Variants in SLMAP observed in about 807,000 individuals in gnomAD.
SLMAP encodes the protein sarcolemma associated protein.
Under a neutral mutation model 128.8 loss-of-function variants are expected in SLMAP, and 44 were observed. The observed-to-expected ratio is 0.34, with a 90% CI of 0.27 to 0.44. SLMAP has a LOEUF of 0.44. Among genes scored for constraint, SLMAP ranks in the 20% least tolerant of loss-of-function variants. SLMAP has a pLI of 1.00. For missense variants in SLMAP, 787 were observed against 985.3 expected, an observed-to-expected ratio of 0.80 and a Z score of 2.69; for synonymous variants, 327 against 348.8, an observed-to-expected ratio of 0.94 and a Z score of 0.70.
chr3:57,853,958 TATATATATA>T (rs2094611250), intron 6 of SLMAP, among the ~76,000 whole-genome samples: 151 of 51,842 alleles, frequency 2.9e-3, no homozygotes, highest in East Asian at 0.022. Flanking sequence ...AAAAAAATTA[TATATATATA>T]TATATATATA....
chr3:57,860,690 T>C lies in SLMAP; in HGVS notation c.688-9T>C, dbSNP rs746231452. 6.6e-7 allele frequency: 1 copy of C among 1,526,598 alleles called. No homozygotes were observed. Among genetic ancestry groups the C allele is most frequent in the East Asian group, 2.3e-5 (1 of 42,720 alleles). The allele number at this position is 1,526,598 out of a possible 1,614,324, so 94.6% of individuals were successfully genotyped here. A position where few individuals can be genotyped will look rare whatever the true frequency, so the allele number is the denominator to read the frequency against. On this transcript the variant is annotated splice_polypyrimidine_tract_variant and intron_variant, in intron 8 of 24. Coordinates refer to ENST00000671191, the MANE Select transcript of SLMAP (RefSeq NM_001377540.1). The stretch of plus-strand genomic sequence containing the variant: ...ACTTGTCTATAATTATAAATATCTT[T>C]TATTGTAGAATCAAACAGAAGATAG...
intron 14 of SLMAP, among the ~76,000 whole-genome samples, chr3:57,885,823 G>T (rs1178000291): frequency 9.2e-6 from 1 of 109,108 alleles, no homozygotes; most frequent in Non-Finnish European, 1.7e-5. Flanking sequence ...TTGCTCTGTC[G>T]CCCAGGCTGG....
At chr3:57,820,716 C>G (rs35610211) in intron 2 of SLMAP, among the ~76,000 whole-genome samples, 9 of 152,212 alleles carry the variant, frequency 5.9e-5, no homozygotes, top group Non-Finnish European at 1.0e-4. Flanking sequence ...GTAAGCAAAC[C>G]TTAGAGATAC....
intron 2 of SLMAP, among the ~76,000 whole-genome samples, chr3:57,760,288 T>C (rs905424169): frequency 6.6e-6 from 1 of 152,198 alleles, no homozygotes; most frequent in African/African-American, 2.4e-5. Context: ...TAGATATGGC[T>C]TATTTCTACC....
At chr3:57,826,707 C>G (rs550587281) in intron 2 of SLMAP, among the ~76,000 whole-genome samples, 1 of 152,284 alleles carries the variant, frequency 6.6e-6, no homozygotes, top group African/African-American at 2.4e-5. Flanking sequence ...ACTGTTCCAG[C>G]CTTTTTAGGA....
rs756371927 is a variant in SLMAP, at chr3:57,917,148, C to T, written c.2310+71C>T. ...GCCAAAAGCAAATCGGATATCCATG[C>T]TAGTTAGAAATAAAGGGAAGCAGAA... On this transcript the variant is annotated intron_variant, in intron 22 of 24. Transcript: ENST00000671191. The T allele has an allele frequency of 5.0e-6, 8 of 1,600,838 alleles. No individual in the cohort carries two copies. The Admixed American group carries it at 1.4e-4, about 27-fold the overall frequency.
At chr3:57,797,942 C>A (rs1292611072) in intron 2 of SLMAP, among the ~76,000 whole-genome samples, 1 of 152,144 alleles carries the variant, frequency 6.6e-6, no homozygotes, top group Non-Finnish European at 1.5e-5. Context: ...CCTCTTATTA[C>A]CTTGGTGACT....
chr3:57,769,642 G>T (rs374637965), intron 2 of SLMAP, among the ~76,000 whole-genome samples: 2 of 152,278 alleles, frequency 1.3e-5, no homozygotes, highest in South Asian at 2.1e-4. Context: ...AATGTTAGAT[G>T]AAGTAATAGC....
Position 57,864,457 on chromosome 3 carries a change from T to C in SLMAP, c.967-91T>C, listed in dbSNP as rs566392004. 3 of 761,076 alleles carry C rather than the reference T, an allele frequency of 3.9e-6. No individual in the cohort carries two copies. The South Asian group carries it at 6.3e-5, about 16-fold the overall frequency. 47.1% of individuals were successfully genotyped at this position (761,076 alleles called of 1,614,324 possible). A position where few individuals can be genotyped will look rare whatever the true frequency, so the allele number is the denominator to read the frequency against. ...TTCTTTTCTACAGAACAAACTTTTCTTAGAAGTTTAAGTGAATAAAGGCAT... is the reference window on the plus strand; with the variant it reads ...TTCTTTTCTACAGAACAAACTTTTCCTAGAAGTTTAAGTGAATAAAGGCAT... On this transcript the variant is annotated intron_variant, in intron 10 of 24. Transcript: ENST00000671191.
intron 2 of SLMAP, among the ~76,000 whole-genome samples, chr3:57,793,524 A>G (rs943100384): frequency 4.6e-5 from 7 of 152,174 alleles, no homozygotes; most frequent in African/African-American, 7.2e-5. Flanking sequence ...ACCTCAGCCT[A>G]TTTAGAACAA....
At chr3:57,899,254 C>T (rs1460802514) in intron 17 of SLMAP, 1 of 151,996 alleles carries the variant, frequency 6.6e-6, no homozygotes, top group Non-Finnish European at 1.5e-5. Context: ...CACAATATAG[C>T]CTGGGAAGTC....
chr3:57,809,572 G>A (rs2601127), intron 2 of SLMAP, among the ~76,000 whole-genome samples: 24,012 of 152,212 alleles, frequency 0.16, 2,437 homozygotes, highest in East Asian at 0.43. Flanking sequence ...ACAGGTTCCC[G>A]GGTGGAAGGG....
In SLMAP at chr3:57,866,279, AAAAG is replaced by A. The variant is rs1375208413; in HGVS notation, c.1237+991_1237+994del. Among the ~76,000 whole-genome samples, 205 of 39,430 alleles carry A rather than the reference AAAAG, an allele frequency of 5.2e-3. 1 individual carries two copies. The highest frequency in any genetic ancestry group is 0.016 in the African/African-American group (178 of 11,096). The allele number at this position is 39,430 out of a possible 152,430, so 25.9% of individuals were successfully genotyped here. On this transcript the variant is annotated intron_variant, in intron 13 of 24. Transcript: ENST00000671191. ...GAGCAAGGCCCTGTCTTTAAAAAAG[AAAAG>A]AAAAGAAAAGAAAAGACAAAATATT... is the stretch of plus-strand genomic sequence containing the variant.
intron 15 of SLMAP, among the ~76,000 whole-genome samples, chr3:57,892,461 C>A (rs147578330): frequency 6.6e-6 from 1 of 151,992 alleles, no homozygotes; most frequent in Non-Finnish European, 1.5e-5. Context: ...AATTCTACCA[C>A]TAACTAGCTG....
chr3:57,776,700 G>C (rs567458827), intron 2 of SLMAP, among the ~76,000 whole-genome samples: 2 of 151,072 alleles, frequency 1.3e-5, no homozygotes, highest in Non-Finnish European at 1.5e-5. Context: ...CTAATTTTTT[G>C]TATTTAGTAG....
At chr3:57,810,136 C>A (rs2090687371) in intron 2 of SLMAP, among the ~76,000 whole-genome samples, 4 of 152,154 alleles carry the variant, frequency 2.6e-5, no homozygotes, top group Admixed American at 2.6e-4. Flanking sequence ...CTGGTGGCAA[C>A]CATGGAAGCT....
chr3:57,799,458 G>A (rs1326230993), intron 2 of SLMAP, among the ~76,000 whole-genome samples: 1 of 152,020 alleles, frequency 6.6e-6, no homozygotes, highest in East Asian at 1.9e-4. Flanking sequence ...AATTCCCCAC[G>A]TTTACTTTTT....
In SLMAP at chr3:57,906,316, T is replaced by C. The variant is rs551527665; in HGVS notation, c.1502-1568T>C. Among the ~76,000 whole-genome samples, 350 of 103,050 alleles carry C rather than the reference T, an allele frequency of 3.4e-3. 10 individuals are homozygous for C. Among genetic ancestry groups the C allele is most frequent in the East Asian group, 5.3e-3 (10 of 1,878 alleles). The allele number at this position is 103,050 out of a possible 152,430, so 67.6% of individuals were successfully genotyped here. On this transcript the variant is annotated intron_variant, in intron 17 of 24. Coordinates refer to ENST00000671191, the MANE Select transcript of SLMAP (RefSeq NM_001377540.1). Reference sequence around the variant, plus strand: ...AATTTTTTTCTTTTTTTTTCTTTTTTTTTTTTTTTTTTTTTTAGAGACACA... The same window carrying C: ...AATTTTTTTCTTTTTTTTTCTTTTTCTTTTTTTTTTTTTTTTAGAGACACA...
At chr3:57,849,208 T>G (rs1238702190) in intron 5 of SLMAP, among the ~76,000 whole-genome samples, 1 of 152,138 alleles carries the variant, frequency 6.6e-6, no homozygotes, top group African/African-American at 2.4e-5. Flanking sequence ...TTGTTTTTCT[T>G]TTTAATAATG....
Sources: allele counts gnomAD v4.1 joint callset (sites outside exome capture counted in the v4.1 genomes callset), GRCh38; gene constraint gnomAD v4.1.1; transcripts MANE v1.5; gene names NCBI Gene and HGNC (gene_info 2026-07-23, HGNC 2026-07-21).